Variants in PPP2R5E observed in about 807,000 individuals in gnomAD.
The protein encoded by PPP2R5E is protein phosphatase 2 regulatory subunit B'epsilon, also known as serine/threonine-protein phosphatase 2A 56 kDa regulatory subunit epsilon isoform.
PPP2R5E carries 4 observed loss-of-function variants against 65.3 expected under a neutral mutation model. That is an observed-to-expected ratio of 0.06 (90% CI 0.03 to 0.14). The LOEUF (loss-of-function observed/expected upper bound fraction) is 0.14, where lower values mean the gene tolerates loss of function less well. Among genes scored for constraint, PPP2R5E ranks in the 10% least tolerant of loss-of-function variants. The probability of loss-of-function intolerance (pLI) is 1.00; values close to 1 mark genes in which losing one functional copy is unlikely to be tolerated. For synonymous variants in PPP2R5E, 183 were observed against 187.4 expected (o/e 0.98, Z 0.19); for missense variants, 274 against 556.1 (o/e 0.49, Z 5.10).
In PPP2R5E at chr14:63,389,067, A is replaced by G. The variant is rs1178791303; in HGVS notation, c.1074+545T>C. ...CGGCTTTAGCAAGCAGCTACACCAA[A>G]GATCAAAATTTGACTCTACTCTCTA... On this transcript the variant is annotated intron_variant, in intron 11 of 13. Coordinates refer to ENST00000337537, the MANE Select transcript of PPP2R5E (RefSeq NM_006246.5). Among the ~76,000 whole-genome samples, 3 of 152,078 alleles carry G rather than the reference A, an allele frequency of 2.0e-5. No homozygotes were observed. In the East Asian group the frequency reaches 5.8e-4, roughly 29 times the overall value.
intron 2 of PPP2R5E, among the ~76,000 whole-genome samples, chr14:63,512,880 T>C (rs1892518573): frequency 2.0e-5 from 3 of 152,070 alleles, no homozygotes; most frequent in African/African-American, 4.8e-5. Flanking sequence ...AACATTAGTA[T>C]TATATATTGA....
chr14:63,421,091 T>TAAAAAAAA (rs1886996436), intron 4 of PPP2R5E, among the ~76,000 whole-genome samples: 1 of 81,446 alleles, frequency 1.2e-5, no homozygotes, highest in Admixed American at 1.4e-4. Flanking sequence ...AAAAAAAAAG[T>TAAAAAAAA]CAACCTGAAC....
At chr14:63,394,638 G>A (rs1885220471) in intron 7 of PPP2R5E, among the ~76,000 whole-genome samples, 1 of 151,940 alleles carries the variant, frequency 6.6e-6, no homozygotes, top group Non-Finnish European at 1.5e-5. Context: ...TGAAACCTCT[G>A]CCCAGCCTAG....
At chr14:63,413,702 T>C (rs1461340923) in intron 5 of PPP2R5E, among the ~76,000 whole-genome samples, 3 of 152,218 alleles carry the variant, frequency 2.0e-5, no homozygotes, top group Non-Finnish European at 4.4e-5. Flanking sequence ...TATGTATCAC[T>C]TACATTTTTT....
chr14:63,497,546 C>T (rs1258634958), intron 2 of PPP2R5E, among the ~76,000 whole-genome samples: 3 of 151,890 alleles, frequency 2.0e-5, no homozygotes, highest in East Asian at 1.9e-4. Flanking sequence ...GTCAGGAGTT[C>T]GAGACCAGCC....
chr14:63,456,503 G>A (rs1889135879), intron 2 of PPP2R5E, among the ~76,000 whole-genome samples: 2 of 152,168 alleles, frequency 1.3e-5, no homozygotes, highest in African/African-American at 4.8e-5. Flanking sequence ...AATATATTGG[G>A]TACATTTATT....
chr14:63,487,194 G>C (rs28391116), intron 2 of PPP2R5E, among the ~76,000 whole-genome samples: 4,788 of 152,236 alleles, frequency 0.031, 226 homozygotes, highest in African/African-American at 0.11. Flanking sequence ...CACAAAACCA[G>C]TATCCTAGTA....
intron 2 of PPP2R5E, among the ~76,000 whole-genome samples, chr14:63,477,776 G>A (rs1452323768): frequency 6.6e-6 from 1 of 151,780 alleles, no homozygotes; most frequent in African/African-American, 2.4e-5. Context: ...ACACTGAAGT[G>A]CTATCACTTC....
intron 5 of PPP2R5E, among the ~76,000 whole-genome samples, chr14:63,398,024 T>G (rs982653572): frequency 6.6e-6 from 1 of 152,158 alleles, no homozygotes; most frequent in Non-Finnish European, 1.5e-5. Context: ...CCACCATGCC[T>G]GGCTGTGAAT....
At chr14:63,495,418 A>C (rs944890571) in intron 2 of PPP2R5E, among the ~76,000 whole-genome samples, 7 of 81,418 alleles carry the variant, frequency 8.6e-5, no homozygotes, top group African/African-American at 6.5e-4. Flanking sequence ...CTAAAAATAC[A>C]AAAAAAAAAA....
intron 2 of PPP2R5E, among the ~76,000 whole-genome samples, chr14:63,458,141 A>G (rs1013086145): frequency 1.3e-5 from 2 of 152,234 alleles, no homozygotes; most frequent in Non-Finnish European, 2.9e-5. Context: ...AACTCAACAC[A>G]GAGTGAGGAT....
chr14:63,412,861 C>T (rs1886472443), intron 5 of PPP2R5E, among the ~76,000 whole-genome samples: 1 of 152,148 alleles, frequency 6.6e-6, no homozygotes, highest in Non-Finnish European at 1.5e-5. Context: ...ATTTGAATTG[C>T]AACCACTGTT....
intron 2 of PPP2R5E, among the ~76,000 whole-genome samples, chr14:63,498,923 T>C (rs1219833660): frequency 6.6e-6 from 1 of 152,066 alleles, no homozygotes; most frequent in East Asian, 1.9e-4. Flanking sequence ...GCAGAATGGC[T>C]CTTTAAAGTA....
chr14:63,415,277 A>T, intron 4 of PPP2R5E, 45 bp from the exon 5 acceptor site: 1 of 1,403,276 alleles, frequency 7.1e-7, no homozygotes, highest in Non-Finnish European at 1.0e-6. Context: ...TGACTCACTG[A>T]GAACAGTACT....
chr14:63,459,067 C>A (rs1401237801), intron 2 of PPP2R5E, among the ~76,000 whole-genome samples: 1 of 152,184 alleles, frequency 6.6e-6, no homozygotes, highest in Non-Finnish European at 1.5e-5. Context: ...TAAACTTCAA[C>A]AAAATCACTG....
At chr14:63,436,117 T>G (rs184006996) in intron 3 of PPP2R5E, among the ~76,000 whole-genome samples, 14 of 152,348 alleles carry the variant, frequency 9.2e-5, no homozygotes, top group Admixed American at 2.6e-4. Flanking sequence ...ATCTGGGGAC[T>G]GTGGGTCCTA....
chr14:63,448,175 T>C (rs1888604165), intron 3 of PPP2R5E, among the ~76,000 whole-genome samples: 1 of 152,000 alleles, frequency 6.6e-6, no homozygotes, highest in Non-Finnish European at 1.5e-5. Flanking sequence ...CGGGCGCCTG[T>C]AGTCCCAGCT....
intron 2 of PPP2R5E, among the ~76,000 whole-genome samples, chr14:63,509,889 T>G (rs1172524131): frequency 1.3e-5 from 2 of 152,266 alleles, no homozygotes; most frequent in Non-Finnish European, 2.9e-5. Flanking sequence ...CTGAGTATAA[T>G]AAGGTTTGGG....
intron 3 of PPP2R5E, among the ~76,000 whole-genome samples, chr14:63,450,777 A>G (rs74060101): frequency 0.015 from 2,319 of 151,250 alleles, 59 homozygotes; most frequent in African/African-American, 0.049. Context: ...GAAAAGACAA[A>G]AAAAAAAAAA....
Sources: allele counts gnomAD v4.1 joint callset (sites outside exome capture counted in the v4.1 genomes callset), GRCh38; gene constraint gnomAD v4.1.1; transcripts MANE v1.5; gene names NCBI Gene and HGNC (gene_info 2026-07-23, HGNC 2026-07-21).